PIEZO1: variants seen among roughly 807,000 people sequenced by gnomAD.
PIEZO1 encodes the protein piezo-type mechanosensitive ion channel component 1.
PIEZO1 carries 296 observed loss-of-function variants against 297.2 expected under a neutral mutation model. That is an observed-to-expected ratio of 1.00 (90% CI 0.91 to 1.10). The LOEUF (loss-of-function observed/expected upper bound fraction) is 1.10, where lower values mean the gene tolerates loss of function less well. Among genes scored for constraint, PIEZO1 ranks in the 50% least tolerant of loss-of-function variants. The pLI, the probability that PIEZO1 is intolerant of heterozygous loss-of-function variation, is 0.00. For missense variants in PIEZO1, 5,018 were observed against 3,455.5 expected (o/e 1.45, Z -11.34); for synonymous variants, 2,427 against 1,507.5 (o/e 1.61, Z -14.13).
In PIEZO1 at chr16:88,717,022, C is replaced by T; in HGVS notation, c.6660+1G>A. The T allele has an allele frequency of 6.4e-7, 1 of 1,550,494 alleles. No individual in the cohort carries two copies. The highest frequency in any genetic ancestry group is 8.7e-7 in the Non-Finnish European group (1 of 1,146,940). On this transcript the variant is annotated splice_donor_variant, in intron 45 of 50. Coordinates refer to ENST00000301015, the MANE Select transcript of PIEZO1 (RefSeq NM_001142864.4). LOFTEE classifies it high-confidence loss of function. ...GGACAGGCGGACCCACACATGCTCA[C>T]CTCATAGCCGCCCAGCTTCAGGGTG...
rs1327278873 is a variant in PIEZO1 at position 88,716,720 on chromosome 16, C to G, written c.6765G>C (p.Gln2255His). The part of the protein sequence containing the change: ...RQFDPQPLAM[Q>H]FISQYSPEDI... Reference sequence around the variant, plus strand: ...CCTCAGGGCTGTACTGGCTGATGAACTGCATGGCCAGCTGGGTACAAGTGA... The same window carrying G: ...CCTCAGGGCTGTACTGGCTGATGAAGTGCATGGCCAGCTGGGTACAAGTGA... The change falls in exon 47 of 51, where the codon CAG (glutamine) becomes CAC (histidine). Residue 2255 changes from glutamine (Q) to histidine (H), a missense_variant. Physicochemically the swap from Gln to His is conservative, Grantham distance 24 (BLOSUM62 0). Coordinates refer to ENST00000301015, the MANE Select transcript of PIEZO1 (RefSeq NM_001142864.4). 4 of 1,548,186 alleles carry G rather than the reference C, an allele frequency of 2.6e-6. No individual in the cohort carries two copies. Among genetic ancestry groups the G allele is most frequent in the East Asian group, 2.4e-5 (1 of 40,910 alleles).
Position 88,716,816 on chromosome 16 carries a change from T to A in PIEZO1, c.6743A>T (p.Asp2248Val), listed in dbSNP as rs780154261. The change falls in exon 46 of 51, where the codon GAC becomes GTC. Residue 2248 changes from aspartate (D) to valine (V), a missense_variant. Physicochemically the swap from Asp to Val is radical, Grantham distance 152. Coordinates refer to ENST00000301015, the MANE Select transcript of PIEZO1 (RefSeq NM_001142864.4). ...GCAGAGGCCACTTACCGGCTGGGGG[T>A]CAAACTGCCGGGACAGCTCCTCATA... Reference protein sequence around the residue: ...QAYEELSRQFDPQPLAMQFIS... With the variant: ...QAYEELSRQFVPQPLAMQFIS... 1 of 1,549,568 alleles carries A rather than the reference T, an allele frequency of 6.5e-7. No individual in the cohort carries two copies. The highest frequency in any genetic ancestry group is 8.7e-7 in the Non-Finnish European group (1 of 1,146,900).
intron 1 of PIEZO1, among the ~76,000 whole-genome samples, chr16:88,780,438 C>T (rs1228801696): frequency 6.6e-6 from 1 of 152,146 alleles, no homozygotes; most frequent in Non-Finnish European, 1.5e-5. Flanking sequence ...AGACTCAGGC[C>T]TCCAGGCAGG....
chr16:88,722,738 A>C lies in PIEZO1; in HGVS notation c.4669-49T>G, dbSNP rs530044937. ...AGGGCTGCGTCCAGCTCTTGTCCCC[A>C]CACGGGGTTTCGTGCAGTGGGCGCG... On this transcript the variant is annotated intron_variant, in intron 34 of 50. Coordinates refer to ENST00000301015, the MANE Select transcript of PIEZO1 (RefSeq NM_001142864.4). 47 of 1,528,686 alleles carry C rather than the reference A, an allele frequency of 3.1e-5. No homozygotes were observed. In the African/African-American group the frequency reaches 5.6e-4, roughly 18 times the overall value. 94.7% of individuals were successfully genotyped at this position (1,528,686 alleles called of 1,614,324 possible). A position where few individuals can be genotyped will look rare whatever the true frequency, so the allele number is the denominator to read the frequency against.
chr16:88,771,407 C>T (rs1056391265), intron 1 of PIEZO1, among the ~76,000 whole-genome samples: 2 of 152,184 alleles, frequency 1.3e-5, no homozygotes, highest in African/African-American at 4.8e-5. Flanking sequence ...CCAGGCCAGG[C>T]GGGGCTCCCA....
At chr16:88,717,850 C>G (rs778549845) in intron 44 of PIEZO1, 1 of 435,336 alleles carries the variant, frequency 2.3e-6, no homozygotes, top group Middle Eastern at 6.5e-4. Context: ...AACAACCCAA[C>G]TGCTGGGTGT....
rs1905340971 is a variant in PIEZO1 at position 88,737,797 on chromosome 16, C to T, written c.1038G>A (p.Lys346=). ...GCTCCAGCTCCCGAGCCTCATACCC[C>T]TTTGCCGCCTCCTTCCTCTGCAGAG... ...RPSGQRKEAA[K]GYEARELELA... is the part of the protein sequence containing the mutation. The change falls in exon 9 of 51, where the codon AAG becomes AAA. Residue 346 remains lysine (K), a synonymous_variant. Transcript: ENST00000301015. 6.5e-7 allele frequency: 1 copy of T among 1,535,852 alleles called. No individual in the cohort carries two copies. The highest frequency in any genetic ancestry group is 8.7e-7 in the Non-Finnish European group (1 of 1,146,734).
intron 5 of PIEZO1, chr16:88,738,978 G>A (rs767240971): frequency 5.2e-5 from 30 of 573,896 alleles, no homozygotes; most frequent in Admixed American, 9.3e-5. Flanking sequence ...TCCCACCCTG[G>A]CCGAAGACCC....
intron 1 of PIEZO1, among the ~76,000 whole-genome samples, chr16:88,753,147 A>G (rs1906479739): frequency 1.7e-5 from 1 of 60,446 alleles, no homozygotes; most frequent in Admixed American, 2.5e-4. Context: ...CTGCCCCCCC[A>G]GAGCACAACC....
intron 22 of PIEZO1, among the ~76,000 whole-genome samples, chr16:88,730,814 G>T (rs1904752244): frequency 6.6e-6 from 1 of 152,202 alleles, no homozygotes; most frequent in Non-Finnish European, 1.5e-5. Context: ...GTCTGCGGAT[G>T]ACAGAATTCT....
intron 1 of PIEZO1, among the ~76,000 whole-genome samples, chr16:88,753,583 C>G (rs1196146999): frequency 6.6e-6 from 1 of 152,112 alleles, no homozygotes; most frequent in Non-Finnish European, 1.5e-5. Context: ...TCCAATGCCC[C>G]CATTTTCAGA....
At chr16:88,775,786 A>T (rs1460104244) in intron 1 of PIEZO1, among the ~76,000 whole-genome samples, 2 of 151,950 alleles carry the variant, frequency 1.3e-5, no homozygotes, top group African/African-American at 4.8e-5. Flanking sequence ...CAGGAGTGGC[A>T]GCCAAGGGTA....
intron 2 of PIEZO1, among the ~76,000 whole-genome samples, chr16:88,747,350 C>G (rs189068532): frequency 6.6e-6 from 1 of 152,194 alleles, no homozygotes; most frequent in African/African-American, 2.4e-5. Flanking sequence ...ACCCCTGTCT[C>G]TACAAAAACA....
chr16:88,773,510 A>T (rs1907520269), intron 1 of PIEZO1, among the ~76,000 whole-genome samples: 1 of 152,220 alleles, frequency 6.6e-6, no homozygotes, highest in African/African-American at 2.4e-5. Flanking sequence ...TGAAGACAGC[A>T]GCTGGCGCTT....
At chr16:88,768,417 C>T (rs902169933) in intron 1 of PIEZO1, among the ~76,000 whole-genome samples, 1 of 152,214 alleles carries the variant, frequency 6.6e-6, no homozygotes, top group Non-Finnish European at 1.5e-5. Flanking sequence ...GACTGGACGG[C>T]CCTGGCTAAA....
intron 29 of PIEZO1, 109 bp downstream of exon 29, chr16:88,725,307 C>T (rs996963388): frequency 1.7e-5 from 13 of 759,066 alleles, no homozygotes; most frequent in Admixed American, 9.3e-5. Context: ...ACAGGACAGG[C>T]GGGCTGGGAG....
chr16:88,726,055 C>G (rs940535583), intron 27 of PIEZO1: 1 of 576,798 alleles, frequency 1.7e-6, no homozygotes, highest in Admixed American at 3.2e-5. Context: ...GAGACACCAG[C>G]CACCGTCAGC....
At chr16:88,733,100 G>T (rs143260765) in intron 19 of PIEZO1, 178 bp downstream of exon 19, 21 of 629,616 alleles carry the variant, frequency 3.3e-5, no homozygotes, top group Non-Finnish European at 4.9e-5. Flanking sequence ...TGCGCCCCTG[G>T]TCCACAGTTG....
In PIEZO1 at chr16:88,716,826, G is replaced by C. The variant is rs768394027; in HGVS notation, c.6733C>G (p.Arg2245Gly). Reference protein sequence around the residue: ...FTAQAYEELSRQFDPQPLAMQ... With the variant: ...FTAQAYEELSGQFDPQPLAMQ... ...CTTACCGGCTGGGGGTCAAACTGCCGGGACAGCTCCTCATAGGCCTGGGCC... is the reference window on the plus strand; with the variant it reads ...CTTACCGGCTGGGGGTCAAACTGCCCGGACAGCTCCTCATAGGCCTGGGCC... Residue 2245 changes from arginine (R) to glycine (G), a missense_variant, in exon 46 of 51, where the codon CGG (arginine) becomes GGG (glycine). Coordinates refer to ENST00000301015, the MANE Select transcript of PIEZO1 (RefSeq NM_001142864.4). 1.3e-6 allele frequency: 2 copies of C among 1,550,062 alleles called. No homozygotes were observed. The highest frequency in any genetic ancestry group is 1.4e-5 in the African/African-American group (1 of 73,182).
Sources: gnomAD v4.1 joint callset for allele counts (sites outside exome capture counted in the v4.1 genomes callset) on GRCh38, gnomAD v4.1.1 for gene constraint, MANE v1.5 for transcripts, NCBI Gene and HGNC (gene_info 2026-07-23, HGNC 2026-07-21) for gene names.